Variants in BICD2 observed in about 807,000 individuals in gnomAD.
BICD2 encodes protein bicaudal D homolog 2.
In BICD2, 25 loss-of-function variants were observed where a neutral mutation model predicts 72.9. That is an observed-to-expected ratio of 0.34 (90% CI 0.25 to 0.48). BICD2 has a LOEUF of 0.48. Among genes scored for constraint, BICD2 ranks in the 20% least tolerant of loss-of-function variants. The pLI is 0.99. For missense variants in BICD2, 894 were observed against 1,175.2 expected (o/e 0.76, Z 3.50); for synonymous variants, 501 against 516.1 (o/e 0.97, Z 0.40).
At chr9:92,747,920 G>A (rs559703721) in intron 1 of BICD2, among the ~76,000 whole-genome samples, 1 of 152,338 alleles carries the variant, frequency 6.6e-6, no homozygotes, top group South Asian at 2.1e-4. Context: ...CCCCACACCC[G>A]AAGTGGGCTG....
intron 6 of BICD2, among the ~76,000 whole-genome samples, chr9:92,716,214 C>T (rs1410324257): frequency 6.6e-6 from 1 of 152,202 alleles, no homozygotes; most frequent in Non-Finnish European, 1.5e-5. Flanking sequence ...CTGCCAGGAG[C>T]CGGCCCTTGG....
chr9:92,750,025 C>T (rs1854115931), intron 1 of BICD2, among the ~76,000 whole-genome samples: 2 of 152,358 alleles, frequency 1.3e-5, no homozygotes, highest in South Asian at 2.1e-4. Context: ...ATCTCAAACC[C>T]TCATCACACT....
In BICD2 at chr9:92,764,026, A is replaced by G. The variant is rs1263034189; in HGVS notation, c.240+479T>C. Among the ~76,000 whole-genome samples, 3 of 152,196 alleles carry G rather than the reference A, an allele frequency of 2.0e-5. No individual in the cohort carries two copies. Among genetic ancestry groups the G allele is most frequent in the Non-Finnish European group, 2.9e-5 (2 of 68,030 alleles). On this transcript the variant is annotated intron_variant, in intron 1 of 6. Coordinates refer to ENST00000356884, the MANE Select transcript of BICD2 (RefSeq NM_001003800.2). The surrounding 1 kb of genome is among the most constrained non-coding windows in gnomAD (Gnocchi z 5.5). ...ACGCTCCGAAAGTAGCTGCGCCCAG[A>G]GAGGGGAAGTGCTTTCTCTGAAGGT... is the stretch of plus-strand genomic sequence containing the variant.
At chr9:92,751,457 C>T (rs140167972) in intron 1 of BICD2, among the ~76,000 whole-genome samples, 1 of 152,118 alleles carries the variant, frequency 6.6e-6, no homozygotes, top group Non-Finnish European at 1.5e-5. Context: ...ACTTAAGTAA[C>T]TTTGGAAATA....
intron 1 of BICD2, among the ~76,000 whole-genome samples, chr9:92,738,995 C>T (rs552028803): frequency 1.4e-5 from 2 of 146,220 alleles, no homozygotes; most frequent in East Asian, 2.6e-4. Context: ...CAGGGTGGGC[C>T]CAGCCTCCTG....
At chr9:92,761,901 A>G (rs780771844) in intron 1 of BICD2, among the ~76,000 whole-genome samples, 7 of 152,212 alleles carry the variant, frequency 4.6e-5, no homozygotes, top group Non-Finnish European at 1.0e-4. Context: ...CTCAGCCAGC[A>G]CCGTGCTATG....
In BICD2 at chr9:92,714,552, G is replaced by T; in HGVS notation, c.*602C>A. On this transcript the variant is annotated 3_prime_UTR_variant, in exon 7 of 7. Coordinates refer to ENST00000356884, the MANE Select transcript of BICD2 (RefSeq NM_001003800.2). ...GTGTGTCTGGCCAGCAGAATACAGG[G>T]GCTCAGGGCTGCTCTTCTCTGGGCT... is the stretch of plus-strand genomic sequence containing the variant. 12 of 985,494 alleles carry T rather than the reference G, an allele frequency of 1.2e-5. No individual in the cohort carries two copies. Among genetic ancestry groups the T allele is most frequent in the Non-Finnish European group, 1.4e-5 (12 of 829,990 alleles). The allele number at this position is 985,494 out of a possible 1,614,324, so 61.0% of individuals were successfully genotyped here. A position where few individuals can be genotyped will look rare whatever the true frequency, so the allele number is the denominator to read the frequency against.
intron 3 of BICD2, 137 bp downstream of exon 3, chr9:92,722,519 T>C (rs770066837): frequency 3.4e-5 from 38 of 1,117,556 alleles, no homozygotes; most frequent in Non-Finnish European, 4.7e-5. Context: ...GCCTCCACAG[T>C]GGTAAAGCTG....
chr9:92,720,836 G>A lies in BICD2; in HGVS notation c.607-81C>T, dbSNP rs559343501. Reference sequence around the variant, plus strand: ...CCCCATAAATGAAGAAAACACACCAGCACACCAACTCCGGCCACTATGAAG... The same window carrying A: ...CCCCATAAATGAAGAAAACACACCAACACACCAACTCCGGCCACTATGAAG... On this transcript the variant is annotated intron_variant, in intron 3 of 6. Coordinates refer to ENST00000356884, the MANE Select transcript of BICD2 (RefSeq NM_001003800.2). This position sits in a 1 kb window ranked among gnomAD's most constrained non-coding sequence, Gnocchi z 5.4. 3 of 1,409,448 alleles carry A rather than the reference G, an allele frequency of 2.1e-6. No individual in the cohort carries two copies. Among genetic ancestry groups the A allele is most frequent in the South Asian group, 2.7e-5 (2 of 73,500 alleles). The allele number at this position is 1,409,448 out of a possible 1,614,324, so 87.3% of individuals were successfully genotyped here. A position where few individuals can be genotyped will look rare whatever the true frequency, so the allele number is the denominator to read the frequency against.
At chr9:92,724,502 A>G (rs966741251) in intron 2 of BICD2, among the ~76,000 whole-genome samples, 10 of 152,368 alleles carry the variant, frequency 6.6e-5, no homozygotes, top group Non-Finnish European at 1.5e-4. Context: ...CCCTCTCATT[A>G]TAAGTGACCC....
chr9:92,724,632 C>T (rs552465700), intron 2 of BICD2, among the ~76,000 whole-genome samples: 11 of 152,266 alleles, frequency 7.2e-5, no homozygotes, highest in East Asian at 1.9e-4. Context: ...TGGGACGAAG[C>T]GGGAGAAAGC....
rs772599458 is a variant in BICD2 at position 92,720,457 on chromosome 9, C to A, written c.905G>T (p.Gly302Val). 1.4e-5 allele frequency: 23 copies of A among 1,614,238 alleles called. No individual in the cohort carries two copies. Among genetic ancestry groups the A allele is most frequent in the Non-Finnish European group, 2.5e-6 (3 of 1,180,052 alleles). ...PNNDAEALVN[G>V]FEHGGLAKLP... ...CTTGGCCAGGCCGCCGTGCTCAAAG[C>A]CATTGACCAGGGCCTCGGCATCGTT... is the stretch of plus-strand genomic sequence containing the variant. Residue 302 changes from glycine to valine, a missense_variant, in exon 4 of 7, where the codon GGC (glycine) becomes GTC (valine). By Grantham distance (109) the Gly-to-Val change is moderately radical. Coordinates refer to ENST00000356884, the MANE Select transcript of BICD2 (RefSeq NM_001003800.2). The surrounding 1 kb of genome is among the most constrained non-coding windows in gnomAD (Gnocchi z 5.4).
chr9:92,764,643 G>T lies in BICD2; in HGVS notation c.102C>A (p.Ala34=). Reference sequence around the variant, plus strand: ...CCTGGATCTTCTCACGCGTGGTCTCGGCCAGCTCGTGGGACAGCCGCTTCA... The same window carrying T: ...CCTGGATCTTCTCACGCGTGGTCTCTGCCAGCTCGTGGGACAGCCGCTTCA... The part of the protein sequence containing the change: ...AEVKRLSHEL[A]ETTREKIQAA... The change falls in exon 1 of 7, where the codon GCC becomes GCA. Residue 34 remains alanine, a synonymous_variant. Transcript: ENST00000356884. The surrounding 1 kb of genome is among the most constrained non-coding windows in gnomAD (Gnocchi z 5.5). 1.9e-6 allele frequency: 3 copies of T among 1,593,476 alleles called. No individual in the cohort carries two copies. The highest frequency in any genetic ancestry group is 2.6e-6 in the Non-Finnish European group (3 of 1,171,854).
chr9:92,764,570 G>A lies in BICD2; in HGVS notation c.175C>T (p.Leu59=). ...AVLEEKHQLK[L]QFEELEVDYE... is the part of the protein sequence containing the mutation. ...TCCACCTCGAGCTCCTCGAACTGCA[G>A]CTTGAGCTGGTGCTTCTCCTCGAGC... The change falls in exon 1 of 7, where the codon CTG becomes TTG. Residue 59 remains leucine, a synonymous_variant. Transcript: ENST00000356884. This position sits in a 1 kb window ranked among gnomAD's most constrained non-coding sequence, Gnocchi z 5.5. The A allele has an allele frequency of 1.3e-6, 2 of 1,563,022 alleles. No homozygotes were observed. The highest frequency in any genetic ancestry group is 2.4e-5 in the East Asian group (1 of 42,022).
At chr9:92,725,335 G>A (rs933613029) in intron 2 of BICD2, among the ~76,000 whole-genome samples, 4 of 152,258 alleles carry the variant, frequency 2.6e-5, no homozygotes, top group Non-Finnish European at 2.9e-5. Flanking sequence ...CATGTCATGG[G>A]TGATGATGGC....
intron 1 of BICD2, among the ~76,000 whole-genome samples, chr9:92,749,112 G>A (rs1461536030): frequency 6.6e-6 from 1 of 152,010 alleles, no homozygotes; most frequent in Non-Finnish European, 1.5e-5. Flanking sequence ...AGGAGCCTGG[G>A]AAGGCTGCAG....
chr9:92,722,553 A>G lies in BICD2; in HGVS notation c.606+103T>C, dbSNP rs1587671566. ...TGGCCCTGGGCCTCGGGTGTGTGGA[A>G]TAAGACAGGAACCCCTTCCCAACAG... On this transcript the variant is annotated intron_variant, in intron 3 of 6. Coordinates refer to ENST00000356884, the MANE Select transcript of BICD2 (RefSeq NM_001003800.2). The G allele has an allele frequency of 3.3e-6, 5 of 1,495,100 alleles. No homozygotes were observed. The East Asian group carries it at 9.5e-5, about 29-fold the overall frequency. 92.6% of individuals were successfully genotyped at this position (1,495,100 alleles called of 1,614,324 possible). A position where few individuals can be genotyped will look rare whatever the true frequency, so the allele number is the denominator to read the frequency against.
At chr9:92,757,567 C>T (rs1441802204) in intron 1 of BICD2, among the ~76,000 whole-genome samples, 1 of 127,206 alleles carries the variant, frequency 7.9e-6, no homozygotes, top group Non-Finnish European at 1.6e-5. Context: ...TGGTGGCAGG[C>T]GCCTATAGTC....
chr9:92,738,272 C>A (rs986540719), intron 1 of BICD2, among the ~76,000 whole-genome samples: 3 of 152,220 alleles, frequency 2.0e-5, no homozygotes, highest in Non-Finnish European at 4.4e-5. Flanking sequence ...ACAATCAGCC[C>A]ATTTATGAGA....
Sources: allele counts gnomAD v4.1 joint callset (sites outside exome capture counted in the v4.1 genomes callset), GRCh38; gene constraint gnomAD v4.1.1; non-coding constraint Gnocchi (gnomAD v3.1); transcripts MANE v1.5; gene names NCBI Gene and HGNC (gene_info 2026-07-23, HGNC 2026-07-21).